INO80: variants seen among roughly 807,000 people sequenced by gnomAD.
INO80 encodes chromatin-remodeling ATPase INO80.
A neutral mutation model predicts 203.4 loss-of-function variants in INO80; 20 were observed. The ratio of observed to expected loss-of-function variants is 0.10; its 90% CI spans 0.07 to 0.14. The LOEUF (loss-of-function observed/expected upper bound fraction) is 0.14. INO80 is among the 10% of genes least tolerant of loss of function. The probability of loss-of-function intolerance (pLI) is 1.00; values close to 1 mark genes in which losing one functional copy is unlikely to be tolerated. For synonymous variants in INO80, 726 were observed against 685.2 expected (o/e 1.06, Z -0.93); for missense variants, 1,419 against 1,914.4 (o/e 0.74, Z 4.83).
chr15:41,003,525 T>G (rs543682164), intron 28 of INO80, among the ~76,000 whole-genome samples: 19 of 152,082 alleles, frequency 1.2e-4, no homozygotes, highest in African/African-American at 3.9e-4. Context: ...AGACGGGGTT[T>G]CACCATGTTG....
intron 14 of INO80, among the ~76,000 whole-genome samples, chr15:41,068,181 G>C (rs2045253338): frequency 6.6e-6 from 1 of 152,178 alleles, no homozygotes. Flanking sequence ...CAGGACTCTG[G>C]GAGGCTGACG....
At chr15:41,077,889 A>G (rs916979187) in intron 9 of INO80, among the ~76,000 whole-genome samples, 5 of 151,538 alleles carry the variant, frequency 3.3e-5, no homozygotes, top group African/African-American at 1.2e-4. Context: ...AACAATTAAG[A>G]AAAAGAATAA....
chr15:41,075,239 A>C (rs1438578786), intron 9 of INO80, among the ~76,000 whole-genome samples: 1 of 150,822 alleles, frequency 6.6e-6, no homozygotes, highest in Admixed American at 6.6e-5. Context: ...ATGTAGCTTT[A>C]TTATTTTTGA....
intron 25 of INO80, chr15:41,023,303 T>C (rs1267829887): frequency 6.6e-6 from 3 of 455,846 alleles, no homozygotes; most frequent in African/African-American, 4.0e-5. Flanking sequence ...CAGCAGATCG[T>C]GGGTCAGAGC....
At position 40,978,961 on chromosome 15, in the gene INO80, A is replaced by G. The variant is rs765585479; in HGVS notation, c.*1262T>C. On this transcript the variant is annotated 3_prime_UTR_variant, in exon 36 of 36. Transcript: ENST00000648947. Reference sequence around the variant, plus strand: ...AAGGAAGATGTGTCTCTCTTTATACATATGTACAAGTTCAGTTATAAAAAT... The same window carrying G: ...AAGGAAGATGTGTCTCTCTTTATACGTATGTACAAGTTCAGTTATAAAAAT... The G allele has an allele frequency of 1.3e-5, 2 of 152,640 alleles. No homozygotes were observed. The highest frequency in any genetic ancestry group is 6.5e-5 in the Admixed American group (1 of 15,284). The allele number at this position is 152,640 out of a possible 1,614,324, so 9.5% of individuals were successfully genotyped here. A position where few individuals can be genotyped will look rare whatever the true frequency, so the allele number is the denominator to read the frequency against.
At chr15:40,995,084 G>A (rs2043864759) in intron 29 of INO80, among the ~76,000 whole-genome samples, 1 of 152,172 alleles carries the variant, frequency 6.6e-6, no homozygotes, top group Non-Finnish European at 1.5e-5. Context: ...TTGAACTCCT[G>A]ACCTCAAGCC....
intron 23 of INO80, among the ~76,000 whole-genome samples, chr15:41,045,393 A>T (rs1470828038): frequency 6.6e-6 from 1 of 152,046 alleles, no homozygotes; most frequent in Non-Finnish European, 1.5e-5. Flanking sequence ...GTTTGAGACC[A>T]GGCTGACCTA....
chr15:41,028,952 C>T (rs537813076), intron 24 of INO80, among the ~76,000 whole-genome samples: 25 of 152,322 alleles, frequency 1.6e-4, no homozygotes, highest in African/African-American at 5.5e-4. Flanking sequence ...TGTTCACATA[C>T]AAATCACTCC....
chr15:41,028,443 T>A (rs998063466), intron 24 of INO80, among the ~76,000 whole-genome samples: 3 of 152,176 alleles, frequency 2.0e-5, no homozygotes, highest in Admixed American at 1.3e-4. Context: ...GCAATTTCCT[T>A]CTAAATTTTT....
chr15:41,048,397 G>A (rs1453038193), intron 21 of INO80, 121 bp from the exon 22 acceptor site: 1 of 704,952 alleles, frequency 1.4e-6, no homozygotes, highest in Non-Finnish European at 2.4e-6. Context: ...CTTTTAAGAA[G>A]TTTCTTGCCA....
intron 23 of INO80, among the ~76,000 whole-genome samples, chr15:41,045,849 C>T (rs1011363186): frequency 3.3e-5 from 5 of 151,318 alleles, no homozygotes; most frequent in African/African-American, 9.7e-5. Context: ...TGCAGTGAGC[C>T]AAAATCGAGC....
At chr15:40,983,233 C>T in intron 34 of INO80, 156 bp from the exon 35 acceptor site, 1 of 605,698 alleles carries the variant, frequency 1.7e-6, no homozygotes, top group Non-Finnish European at 2.9e-6. Flanking sequence ...GATGGCTAGA[C>T]CACTGAGTCA....
chr15:41,044,654 C>A (rs1256430206), intron 24 of INO80, among the ~76,000 whole-genome samples: 7 of 151,782 alleles, frequency 4.6e-5, no homozygotes, highest in Non-Finnish European at 1.0e-4. Context: ...TATATAAATT[C>A]ACAGAGCTGT....
chr15:40,985,431 C>G lies in INO80; in HGVS notation c.3833-5G>C, dbSNP rs2043716701. 6.2e-7 allele frequency: 1 copy of G among 1,609,728 alleles called. No individual in the cohort carries two copies. The highest frequency in any genetic ancestry group is 8.5e-7 in the Non-Finnish European group (1 of 1,176,232). On this transcript the variant is annotated splice_region_variant and splice_polypyrimidine_tract_variant and intron_variant, in intron 31 of 35. Coordinates refer to ENST00000648947, the MANE Select transcript of INO80 (RefSeq NM_017553.3). ...TCTCTTCCTGCCGCAGCCTCACTATCAAGAAAATGAATTAAGACCTGATGA... is the reference window on the plus strand; with the variant it reads ...TCTCTTCCTGCCGCAGCCTCACTATGAAGAAAATGAATTAAGACCTGATGA...
chr15:40,979,585 C>T lies in INO80; in HGVS notation c.*638G>A, dbSNP rs188261145. 6.5e-6 allele frequency: 1 copy of T among 153,870 alleles called. No individual in the cohort carries two copies. The highest frequency in any genetic ancestry group is 1.4e-5 in the Non-Finnish European group (1 of 68,966). The allele number at this position is 153,870 out of a possible 1,614,324, so 9.5% of individuals were successfully genotyped here. ...GTTGCTGGTAGGATCTGAAGGTTCTCTTGGTGTGAACCATGCAGGATGGGA... is the reference window on the plus strand; with the variant it reads ...GTTGCTGGTAGGATCTGAAGGTTCTTTTGGTGTGAACCATGCAGGATGGGA... On this transcript the variant is annotated 3_prime_UTR_variant, in exon 36 of 36. Transcript: ENST00000648947.
intron 5 of INO80, among the ~76,000 whole-genome samples, chr15:41,088,786 CCT>C (rs1415130414): frequency 6.6e-6 from 1 of 152,120 alleles, no homozygotes; most frequent in East Asian, 1.9e-4. Flanking sequence ...ATTACAATGT[CCT>C]CTGTTAAAAA....
intron 1 of INO80, among the ~76,000 whole-genome samples, chr15:41,111,506 C>T (rs894926117): frequency 6.6e-6 from 1 of 151,898 alleles, no homozygotes; most frequent in South Asian, 2.1e-4. Flanking sequence ...ATCTTATTCA[C>T]TAAGAAGTTT....
At position 41,027,623 on chromosome 15, in the gene INO80, T is replaced by C. The variant is rs1450858229; in HGVS notation, c.3021A>G (p.Pro1007=). The C allele has an allele frequency of 1.4e-5, 22 of 1,613,414 alleles. No homozygotes were observed. Among genetic ancestry groups the C allele is most frequent in the Non-Finnish European group, 1.9e-5 (22 of 1,179,746 alleles). The part of the protein sequence containing the change: ...SLRRCLLTEL[P]SFLCVASPRV... ...GTGGACTGGCCACACACAAAAAAGA[T>C]GGCAGCTCAGTGAGCAGGCAGCGAC... Residue 1007 remains proline, a synonymous_variant, in exon 25 of 36, where the codon CCA becomes CCG. Transcript: ENST00000648947.
intron 24 of INO80, among the ~76,000 whole-genome samples, chr15:41,031,535 G>A: frequency 4.0e-5 from 1 of 25,234 alleles, no homozygotes; most frequent in African/African-American, 1.1e-4. Context: ...GAAGGAGAAG[G>A]GAGGAAGGGA....
Sources: gnomAD v4.1 joint callset for allele counts (sites outside exome capture counted in the v4.1 genomes callset) on GRCh38, gnomAD v4.1.1 for gene constraint, MANE v1.5 for transcripts, NCBI Gene and HGNC (gene_info 2026-07-23, HGNC 2026-07-21) for gene names.